Variants in VPS37C observed in about 807,000 individuals in gnomAD.
VPS37C encodes the protein vacuolar protein sorting-associated protein 37C.
A neutral mutation model predicts 16.1 loss-of-function variants in VPS37C; 9 were observed. The observed-to-expected ratio is 0.56, with a 90% CI of 0.34 to 0.97. The LOEUF (loss-of-function observed/expected upper bound fraction) is 0.97, where lower values mean the gene tolerates loss of function less well. Among genes scored for constraint, VPS37C ranks in the 50% least tolerant of loss-of-function variants. The pLI, the probability that VPS37C is intolerant of heterozygous loss-of-function variation, is 0.02. For missense variants in VPS37C, 479 were observed against 472.7 expected (o/e 1.01, Z -0.12); for synonymous variants, 207 against 206.4 (o/e 1.00, Z -0.02).
intron 1 of VPS37C, among the ~76,000 whole-genome samples, chr11:61,149,143 G>A (rs1853261306): frequency 6.6e-6 from 1 of 152,192 alleles, no homozygotes; most frequent in South Asian, 2.1e-4. Flanking sequence ...AAAGTTAGCT[G>A]GGCGTGGTGG....
chr11:61,138,481 C>G (rs112739909), intron 2 of VPS37C: 1 of 459,258 alleles, frequency 2.2e-6, no homozygotes, highest in Middle Eastern at 6.2e-4. Flanking sequence ...TGGGCTGGAA[C>G]GACAGTGTGG....
At position 61,133,235 on chromosome 11, in the gene VPS37C, G is replaced by A. The variant is rs376390824; in HGVS notation, c.348+20C>T. 12 of 1,613,106 alleles carry A rather than the reference G, an allele frequency of 7.4e-6. No homozygotes were observed. The highest frequency in any genetic ancestry group is 8.5e-6 in the Non-Finnish European group (10 of 1,179,486). The stretch of plus-strand genomic sequence containing the variant: ...CTGACACCCCGTCCAGGGAAGAGGG[G>A]TGTCGCCTCGCCCTCTCACCTCGGA... On this transcript the variant is annotated intron_variant, in intron 4 of 4. Transcript: ENST00000301765.
chr11:61,160,495 GA>G (rs1429497615), intron 1 of VPS37C, among the ~76,000 whole-genome samples: 2 of 152,192 alleles, frequency 1.3e-5, no homozygotes, highest in African/African-American at 4.8e-5. Context: ...AAAGAGGGTG[GA>G]AAAGGCCTTA....
chr11:61,149,963 G>A lies in VPS37C; in HGVS notation c.-6-11128C>T, dbSNP rs139489310. Among the ~76,000 whole-genome samples, 8 of 152,220 alleles carry A rather than the reference G, an allele frequency of 5.3e-5. No homozygotes were observed. In the East Asian group the frequency reaches 1.4e-3, roughly 26 times the overall value. The stretch of plus-strand genomic sequence containing the variant: ...GCCGGCTGGGAGGCTCTATCAGCAC[G>A]CGGCAGGCTGCAGAGCCCAGCACTC... On this transcript the variant is annotated intron_variant, in intron 1 of 4. Coordinates refer to ENST00000301765, the MANE Select transcript of VPS37C (RefSeq NM_017966.5).
At chr11:61,156,667 T>C (rs1853381696) in intron 1 of VPS37C, among the ~76,000 whole-genome samples, 1 of 152,240 alleles carries the variant, frequency 6.6e-6, no homozygotes, top group Non-Finnish European at 1.5e-5. Context: ...ACAAATTGTT[T>C]AGAAGTAAAA....
rs559920004 is a variant in VPS37C at position 61,148,876 on chromosome 11, G to A, written c.-6-10041C>T. The stretch of plus-strand genomic sequence containing the variant: ...CACTTCCCAAGTAGCTGGGAGTCCA[G>A]GCCTGTGCCACTGCCCCCAGATGGC... On this transcript the variant is annotated intron_variant, in intron 1 of 4. Coordinates refer to ENST00000301765, the MANE Select transcript of VPS37C (RefSeq NM_017966.5). 5.9e-5 allele frequency among the ~76,000 whole-genome samples: 9 copies of A among 152,352 alleles called. No homozygotes were observed. In the South Asian group the frequency reaches 1.0e-3, roughly 18 times the overall value.
chr11:61,155,477 T>C (rs1853364073), intron 1 of VPS37C, among the ~76,000 whole-genome samples: 1 of 151,938 alleles, frequency 6.6e-6, no homozygotes. Context: ...CTGGCCTGGA[T>C]GACAGAGTGA....
At chr11:61,154,420 T>C (rs2134655874) in intron 1 of VPS37C, among the ~76,000 whole-genome samples, 1 of 152,206 alleles carries the variant, frequency 6.6e-6, no homozygotes, top group East Asian at 1.9e-4. Context: ...AAAACTACAA[T>C]GTCTGTGATA....
intron 1 of VPS37C, among the ~76,000 whole-genome samples, chr11:61,146,757 C>T (rs1001832236): frequency 2.0e-5 from 3 of 152,190 alleles, no homozygotes; most frequent in African/African-American, 7.2e-5. Flanking sequence ...GAACAGTGCC[C>T]CTGGTTCCTC....
intron 2 of VPS37C, among the ~76,000 whole-genome samples, chr11:61,137,723 A>AG (rs1168970855): frequency 1.3e-5 from 2 of 152,154 alleles, no homozygotes; most frequent in Non-Finnish European, 2.9e-5. Flanking sequence ...CTAGGGTGGT[A>AG]GGATGTGGCC....
intron 2 of VPS37C, 83 bp from the exon 3 acceptor site, chr11:61,134,290 C>T (rs1165202044): frequency 1.4e-6 from 2 of 1,464,060 alleles, no homozygotes; most frequent in Non-Finnish European, 1.9e-6. Flanking sequence ...GCTTCGGGGA[C>T]ACATTGCTCA....
At chr11:61,150,253 G>A (rs577652513) in intron 1 of VPS37C, among the ~76,000 whole-genome samples, 3 of 152,290 alleles carry the variant, frequency 2.0e-5, no homozygotes, top group African/African-American at 7.2e-5. Context: ...GCTAGTCAGT[G>A]TTCCAAAGGC....
chr11:61,149,360 C>A (rs1853264387), intron 1 of VPS37C, among the ~76,000 whole-genome samples: 1 of 152,202 alleles, frequency 6.6e-6, no homozygotes, highest in Non-Finnish European at 1.5e-5. Context: ...CAATCCCATC[C>A]TGACCTTTCA....
chr11:61,142,499 G>C (rs1005318799), intron 1 of VPS37C, among the ~76,000 whole-genome samples: 4 of 152,134 alleles, frequency 2.6e-5, no homozygotes, highest in African/African-American at 9.7e-5. Flanking sequence ...CTCCCAAAGT[G>C]CTGGGATAAC....
At chr11:61,147,258 G>A (rs536918640) in intron 1 of VPS37C, among the ~76,000 whole-genome samples, 32 of 152,298 alleles carry the variant, frequency 2.1e-4, no homozygotes, top group South Asian at 4.1e-4. Context: ...AAGGAGGTTG[G>A]GGTGGGGGCA....
chr11:61,134,231 C>CTAAG, intron 2 of VPS37C, 24 bp from the exon 3 acceptor site: 1 of 1,596,164 alleles, frequency 6.3e-7, no homozygotes, highest in Non-Finnish European at 8.6e-7. Context: ...ACAACAGAAC[C>CTAAG]TAAGGAAAAC....
intron 4 of VPS37C, 151 bp from the exon 5 acceptor site, chr11:61,132,690 T>C: frequency 1.0e-6 from 1 of 994,032 alleles, no homozygotes; most frequent in Non-Finnish European, 1.4e-6. Flanking sequence ...TTCTCACAGC[T>C]GACATATGGT....
At chr11:61,150,407 C>G (rs1474410445) in intron 1 of VPS37C, among the ~76,000 whole-genome samples, 1 of 152,128 alleles carries the variant, frequency 6.6e-6, no homozygotes, top group Non-Finnish European at 1.5e-5. Context: ...TGTCTTGCCC[C>G]CCTCCTCCCC....
chr11:61,140,481 T>C (rs1368528494), intron 1 of VPS37C, among the ~76,000 whole-genome samples: 1 of 151,934 alleles, frequency 6.6e-6, no homozygotes, highest in Non-Finnish European at 1.5e-5. Context: ...TGTTATGTCT[T>C]GAGGGTTAAA....
Sources: gnomAD v4.1 joint callset for allele counts (sites outside exome capture counted in the v4.1 genomes callset) on GRCh38, gnomAD v4.1.1 for gene constraint, MANE v1.5 for transcripts, NCBI Gene and HGNC (gene_info 2026-07-23, HGNC 2026-07-21) for gene names.